CAMTA1: variants seen among roughly 807,000 people sequenced by gnomAD.
The protein encoded by CAMTA1 is calmodulin binding transcription activator 1, also known as calmodulin-binding transcription activator 1.
A neutral mutation model predicts 170.9 loss-of-function variants in CAMTA1; 27 were observed. The ratio of observed to expected loss-of-function variants is 0.16; its 90% CI spans 0.12 to 0.22. The LOEUF (loss-of-function observed/expected upper bound fraction) is 0.22, where lower values mean the gene tolerates loss of function less well. CAMTA1 is among the 10% of genes least tolerant of loss of function. CAMTA1 has a pLI of 1.00. For missense variants in CAMTA1, 1,619 were observed against 2,217.2 expected (o/e 0.73, Z 5.42); for synonymous variants, 833 against 891.5 (o/e 0.93, Z 1.17).
At chr1:6,902,205 G>C (rs1430488839) in intron 3 of CAMTA1, among the ~76,000 whole-genome samples, 1 of 152,094 alleles carries the variant, frequency 6.6e-6, no homozygotes, top group Non-Finnish European at 1.5e-5. Flanking sequence ...TTTACAGCAA[G>C]ACCCAGCAAT....
chr1:7,327,331 C>T (rs533725119), intron 5 of CAMTA1, among the ~76,000 whole-genome samples: 13 of 146,288 alleles, frequency 8.9e-5, no homozygotes, highest in East Asian at 8.4e-4. Flanking sequence ...GGCATGAACC[C>T]GGGAGACGGA....
intron 4 of CAMTA1, among the ~76,000 whole-genome samples, chr1:7,233,972 C>T (rs779949866): frequency 2.0e-5 from 3 of 152,132 alleles, no homozygotes; most frequent in Admixed American, 6.5e-5. Context: ...TTGCGCTTAC[C>T]GGAGTTGCAC....
intron 5 of CAMTA1, among the ~76,000 whole-genome samples, chr1:7,341,860 G>T (rs943275228): frequency 1.3e-5 from 2 of 152,162 alleles, no homozygotes; most frequent in African/African-American, 2.4e-5. Flanking sequence ...GCCTCCTGGG[G>T]AGGAGGGCAG....
intron 3 of CAMTA1, among the ~76,000 whole-genome samples, chr1:6,968,743 C>A (rs1692013905): frequency 7.1e-6 from 1 of 140,614 alleles, no homozygotes; most frequent in African/African-American, 2.7e-5. Flanking sequence ...GATACCCTGG[C>A]AAAAGGAGAC....
chr1:7,368,815 A>G (rs985745308), intron 5 of CAMTA1: 15 of 152,248 alleles, frequency 9.9e-5, no homozygotes, highest in African/African-American at 3.6e-4. Context: ...CTGACGTGAG[A>G]TGAGGACCTG....
At chr1:7,188,857 CTG>C (rs1212234605) in intron 4 of CAMTA1, among the ~76,000 whole-genome samples, 1 of 152,216 alleles carries the variant, frequency 6.6e-6, no homozygotes, top group Non-Finnish European at 1.5e-5. Flanking sequence ...TGTGGCAACT[CTG>C]TGCTTAATTT....
chr1:7,423,102 G>C (rs938611829), intron 5 of CAMTA1, among the ~76,000 whole-genome samples: 1 of 152,188 alleles, frequency 6.6e-6, no homozygotes, highest in Non-Finnish European at 1.5e-5. Context: ...GGGCAAAAGA[G>C]CCCCAGGGCG....
At chr1:7,698,701 G>A (rs2096405158) in intron 11 of CAMTA1, 1 of 152,288 alleles carries the variant, frequency 6.6e-6, no homozygotes, top group Non-Finnish European at 1.5e-5. Context: ...AGTTCTGAAT[G>A]CTGTTCTCGC....
At chr1:7,655,149 T>TAC (rs751819921) in intron 7 of CAMTA1, among the ~76,000 whole-genome samples, 4 of 98,156 alleles carry the variant, frequency 4.1e-5, no homozygotes, top group African/African-American at 1.7e-4. Flanking sequence ...AACCCACCTA[T>TAC]ACACACACCT....
Position 7,737,616 on chromosome 1 carries a change from G to T in CAMTA1, c.3658+46G>T, listed in dbSNP as rs759670337. The T allele has an allele frequency of 5.7e-5, 87 of 1,527,662 alleles. 1 individual carries two copies. The South Asian group carries it at 1.1e-3, about 19-fold the overall frequency. The allele number at this position is 1,527,662 out of a possible 1,614,324, so 94.6% of individuals were successfully genotyped here. A position where few individuals can be genotyped will look rare whatever the true frequency, so the allele number is the denominator to read the frequency against. ...CATCTCAGAGCTTGACAGAGATCCC[G>T]TTTGCTTTCATGCAGCTGCCCTCAG... On this transcript the variant is annotated intron_variant, in intron 15 of 22. Transcript: ENST00000303635.
In CAMTA1 at chr1:7,528,672, C is replaced by T. The variant is rs147732951; in HGVS notation, c.510+60771C>T. Among the ~76,000 whole-genome samples the T allele has an allele frequency of 3.4e-3, 513 of 152,000 alleles. 4 individuals carry two copies. The highest frequency in any genetic ancestry group is 0.012 in the African/African-American group (486 of 41,446). ...GTGCCCTATTGACAGATGGGAATAC[C>T]GAGGCCAGGAAACTTGCACCAAGTC... On this transcript the variant is annotated intron_variant, in intron 6 of 22. Coordinates refer to ENST00000303635, the MANE Select transcript of CAMTA1 (RefSeq NM_015215.4).
At chr1:7,259,556 G>C (rs1667877781) in intron 5 of CAMTA1, among the ~76,000 whole-genome samples, 1 of 152,164 alleles carries the variant, frequency 6.6e-6, no homozygotes, top group African/African-American at 2.4e-5. Context: ...TTGCCAGTAG[G>C]GTCCTGCCTC....
chr1:7,721,568 C>T (rs1369147582), intron 11 of CAMTA1, among the ~76,000 whole-genome samples: 1 of 151,988 alleles, frequency 6.6e-6, no homozygotes, highest in African/African-American at 2.4e-5. Context: ...AAGTAAAATT[C>T]CTGGTCGTGA....
At chr1:7,659,306 G>C (rs1329278923) in intron 7 of CAMTA1, among the ~76,000 whole-genome samples, 1 of 152,140 alleles carries the variant, frequency 6.6e-6, no homozygotes, top group East Asian at 1.9e-4. Context: ...AGGCCAAAGG[G>C]GGGTGGATCA....
At chr1:7,237,273 G>A (rs1180484104) in intron 4 of CAMTA1, among the ~76,000 whole-genome samples, 1 of 152,178 alleles carries the variant, frequency 6.6e-6, no homozygotes, top group African/African-American at 2.4e-5. Context: ...GCAATAGCCG[G>A]TCAACCTGAA....
Position 7,738,947 on chromosome 1 carries a change from G to A in CAMTA1, c.4182+465G>A, listed in dbSNP as rs968148382. Among the ~76,000 whole-genome samples, 15 of 152,202 alleles carry A rather than the reference G, an allele frequency of 9.9e-5. No individual in the cohort carries two copies. The highest frequency in any genetic ancestry group is 2.9e-4 in the African/African-American group (12 of 41,454). ...AGCCATTGTAAAGGGCATATATGGC[G>A]TGAGGCTCTCACGAGGGCAGCGAAA... On this transcript the variant is annotated intron_variant, in intron 16 of 22. Transcript: ENST00000303635. This position sits in a 1 kb window ranked among gnomAD's most constrained non-coding sequence, Gnocchi z 4.9.
At chr1:7,571,696 C>T (rs1576149064) in intron 6 of CAMTA1, among the ~76,000 whole-genome samples, 1 of 152,134 alleles carries the variant, frequency 6.6e-6, no homozygotes, top group Admixed American at 6.5e-5. Context: ...GCATAGTATT[C>T]CACGGTGCAT....
At chr1:7,329,859 CT>C (rs1289308295) in intron 5 of CAMTA1, among the ~76,000 whole-genome samples, 9 of 152,110 alleles carry the variant, frequency 5.9e-5, no homozygotes, top group Non-Finnish European at 1.2e-4. Context: ...AGGGTTTTTC[CT>C]TTTTTATTAT....
intron 4 of CAMTA1, among the ~76,000 whole-genome samples, chr1:7,127,670 A>T (rs1169061062): frequency 6.6e-6 from 1 of 152,174 alleles, no homozygotes; most frequent in East Asian, 1.9e-4. Flanking sequence ...GGAAGCTTAG[A>T]ATGTAGAAGG....
Sources: allele counts gnomAD v4.1 joint callset (sites outside exome capture counted in the v4.1 genomes callset), GRCh38; gene constraint gnomAD v4.1.1; non-coding constraint Gnocchi (gnomAD v3.1); transcripts MANE v1.5; gene names NCBI Gene and HGNC (gene_info 2026-07-23, HGNC 2026-07-21).